Variants in FAM178B observed in about 807,000 individuals in gnomAD.
FAM178B encodes the protein family with sequence similarity 178 member B.
In FAM178B, 82 loss-of-function variants were observed where a neutral mutation model predicts 91.7. The observed-to-expected ratio is 0.89, with a 90% confidence interval of 0.75 to 1.07. FAM178B has a LOEUF of 1.07. Ranked by LOEUF, FAM178B falls within the 50% of genes least tolerant of loss-of-function variation. The pLI is 0.00. For synonymous variants in FAM178B, 368 were observed against 359.4 expected, an observed-to-expected ratio of 1.02 and a Z score of -0.27; for missense variants, 769 against 846.7, an observed-to-expected ratio of 0.91 and a Z score of 1.14.
intron 5 of FAM178B, among the ~76,000 whole-genome samples, chr2:96,966,877 C>T (rs910132035): frequency 2.0e-4 from 30 of 152,074 alleles, no homozygotes; most frequent in African/African-American, 6.3e-4. Context: ...TCACCAGGAC[C>T]GACCCTGCTG....
At chr2:96,961,339 G>GTA (rs2082079049) in intron 5 of FAM178B, among the ~76,000 whole-genome samples, 1 of 149,990 alleles carries the variant, frequency 6.7e-6, no homozygotes, top group Admixed American at 6.6e-5. Flanking sequence ...GTGTGTGTGT[G>GTA]TACACACACA....
rs1269636665 is a variant in FAM178B at position 96,977,817 on chromosome 2, C to T, written c.74-5211G>A. The T allele has an allele frequency of 2.2e-5, 10 of 456,456 alleles. No individual in the cohort carries two copies. The Admixed American group carries it at 2.4e-4, about 11-fold the overall frequency. The allele number at this position is 456,456 out of a possible 1,614,324, so 28.3% of individuals were successfully genotyped here. A position where few individuals can be genotyped will look rare whatever the true frequency, so the allele number is the denominator to read the frequency against. On this transcript the variant is annotated intron_variant, in intron 1 of 16. Transcript: ENST00000490605. ...CCACTAAGTTTAGGACGCATAATAC[C>T]GGCCTTTGTTCTACTCCAGCGTTGA...
intron 1 of FAM178B, among the ~76,000 whole-genome samples, chr2:96,980,685 G>C (rs1260705421): frequency 1.3e-5 from 2 of 152,192 alleles, no homozygotes; most frequent in Non-Finnish European, 2.9e-5. Flanking sequence ...CTACAGGCAT[G>C]AGCAACCGAG....
intron 4 of FAM178B, among the ~76,000 whole-genome samples, chr2:96,969,577 G>C (rs1257007): frequency 1.3e-5 from 2 of 152,080 alleles, no homozygotes; most frequent in African/African-American, 2.4e-5. Flanking sequence ...CAGGCACACC[G>C]ACAAGCAGTC....
At chr2:96,978,145 T>C (rs926460144) in intron 1 of FAM178B, among the ~76,000 whole-genome samples, 1 of 152,214 alleles carries the variant, frequency 6.6e-6, no homozygotes, top group African/African-American at 2.4e-5. Context: ...CTCAGCATCC[T>C]AGCACTCAGC....
Position 96,986,359 on chromosome 2 carries a change from T to C in FAM178B, c.-46A>G. The C allele has an allele frequency of 6.6e-7, 1 of 1,526,000 alleles. No homozygotes were observed. The highest frequency in any genetic ancestry group is 1.4e-5 in the African/African-American group (1 of 72,592). The allele number at this position is 1,526,000 out of a possible 1,614,324, so 94.5% of individuals were successfully genotyped here. On this transcript the variant is annotated 5_prime_UTR_variant, in exon 1 of 17. Coordinates refer to ENST00000490605, the MANE Select transcript of FAM178B (RefSeq NM_001122646.3). ...CCGGGGTGAGGGAGGGTGGCGGGAA[T>C]TCGCACGGCCTCAGAGGACGGGGCC...
At chr2:96,885,328 C>G (rs888591307) in intron 14 of FAM178B, among the ~76,000 whole-genome samples, 9 of 152,266 alleles carry the variant, frequency 5.9e-5, no homozygotes, top group Non-Finnish European at 1.0e-4. Flanking sequence ...TCCACGCCCT[C>G]AGAACAGGAG....
intron 13 of FAM178B, among the ~76,000 whole-genome samples, chr2:96,898,397 G>A (rs1184253656): frequency 6.6e-6 from 1 of 152,210 alleles, no homozygotes; most frequent in Non-Finnish European, 1.5e-5. Context: ...GCTTATGCCT[G>A]TAATCTCAGC....
At chr2:96,925,089 C>T (rs1275853857) in intron 9 of FAM178B, among the ~76,000 whole-genome samples, 1 of 152,122 alleles carries the variant, frequency 6.6e-6, no homozygotes, top group Non-Finnish European at 1.5e-5. Flanking sequence ...TGGGCGCAGG[C>T]TGGGCCTGCG....
intron 6 of FAM178B, among the ~76,000 whole-genome samples, chr2:96,952,650 G>C (rs1484792670): frequency 6.6e-6 from 1 of 152,124 alleles, no homozygotes; most frequent in Non-Finnish European, 1.5e-5. Context: ...CATTTTATAG[G>C]GGGTTGGCTG....
At chr2:96,972,373 C>G in intron 2 of FAM178B, 51 bp from the exon 3 acceptor site, 1 of 1,472,232 alleles carries the variant, frequency 6.8e-7, no homozygotes, top group East Asian at 2.5e-5. Flanking sequence ...GCCACTGTCC[C>G]AGACGTCAAG....
At chr2:96,919,406 T>C (rs2081295865) in intron 12 of FAM178B, among the ~76,000 whole-genome samples, 1 of 152,070 alleles carries the variant, frequency 6.6e-6, no homozygotes, top group Non-Finnish European at 1.5e-5. Context: ...GCAGGCAGAC[T>C]TTGGAGAAGA....
intron 16 of FAM178B, among the ~76,000 whole-genome samples, chr2:96,876,542 T>G (rs561539502): frequency 6.6e-6 from 1 of 152,308 alleles, no homozygotes; most frequent in African/African-American, 2.4e-5. Context: ...TCACTTTTCC[T>G]TCTTCTCGTG....
Position 96,897,988 on chromosome 2 carries a change from G to A in FAM178B, c.1651-3937C>T, listed in dbSNP as rs963928398. ...ACGTGTGCTTCTGCTCCTGCTCCAT[G>A]GGGCCTCCGCTGCAGCTTGTGGGAG... On this transcript the variant is annotated intron_variant, in intron 13 of 16. Coordinates refer to ENST00000490605, the MANE Select transcript of FAM178B (RefSeq NM_001122646.3). 66 of 985,330 alleles carry A rather than the reference G, an allele frequency of 6.7e-5. No homozygotes were observed. In the African/African-American group the frequency reaches 1.0e-3, roughly 15 times the overall value. 61.0% of individuals were successfully genotyped at this position (985,330 alleles called of 1,614,324 possible). A position where few individuals can be genotyped will look rare whatever the true frequency, so the allele number is the denominator to read the frequency against.
In FAM178B at chr2:96,967,764, C is replaced by T. The variant is rs994171603; in HGVS notation, c.627-137G>A. 1.0e-4 allele frequency: 64 copies of T among 617,364 alleles called. No individual in the cohort carries two copies. In the Admixed American group the frequency reaches 1.4e-3, roughly 14 times the overall value. 38.2% of individuals were successfully genotyped at this position (617,364 alleles called of 1,614,324 possible). On this transcript the variant is annotated intron_variant, in intron 4 of 16. Coordinates refer to ENST00000490605, the MANE Select transcript of FAM178B (RefSeq NM_001122646.3). ...GTCCTGGCTGGTCTCCTTGTGAAGC[C>T]GCTCACACAGATTTTTAAGGCAATG...
At chr2:96,889,465 G>C (rs1035317980) in intron 14 of FAM178B, among the ~76,000 whole-genome samples, 1 of 151,986 alleles carries the variant, frequency 6.6e-6, no homozygotes, top group Non-Finnish European at 1.5e-5. Flanking sequence ...GATCACCTGA[G>C]GTCAGGAGTT....
At chr2:96,970,863 T>A in intron 3 of FAM178B, 86 bp from the exon 4 acceptor site, 2 of 963,222 alleles carry the variant, frequency 2.1e-6, no homozygotes, top group Non-Finnish European at 3.2e-6. Flanking sequence ...TTAAGCCCTT[T>A]ATTTATTTTG....
chr2:96,894,137 G>T, intron 13 of FAM178B, 86 bp from the exon 14 acceptor site: 1 of 1,489,954 alleles, frequency 6.7e-7, no homozygotes. Context: ...GGACACCTCA[G>T]CTGGTGGCAG....
rs756888235 is a variant in FAM178B, at chr2:96,878,421, G to A, written c.1849C>T (p.Gln617Ter). 25 of 1,613,834 alleles carry A rather than the reference G, an allele frequency of 1.5e-5. No homozygotes were observed. The South Asian group carries it at 2.7e-4, about 18-fold the overall frequency. ...CTGCCCCTTGGGAGACTCACCCACTGGTCTGGAGTGATGTCCTGGCAGCTA... is the reference window on the plus strand; with the variant it reads ...CTGCCCCTTGGGAGACTCACCCACTAGTCTGGAGTGATGTCCTGGCAGCTA... ...VVSCQDITPD[Q>*]WGELQLLCMQ... The change falls in exon 15 of 17, where the codon CAG becomes TAG. Residue 617 changes from glutamine (Q) to a stop codon, truncating the protein, a stop_gained. Coordinates refer to ENST00000490605, the MANE Select transcript of FAM178B (RefSeq NM_001122646.3). LOFTEE classifies it high-confidence loss of function.
Sources: allele counts gnomAD v4.1 joint callset (sites outside exome capture counted in the v4.1 genomes callset), GRCh38; gene constraint gnomAD v4.1.1; transcripts MANE v1.5; gene names NCBI Gene and HGNC (gene_info 2026-07-23, HGNC 2026-07-21).